FGF14: variants seen among roughly 807,000 people sequenced by gnomAD.
FGF14 encodes the protein fibroblast growth factor 14.
FGF14 carries 5 observed loss-of-function variants against 25.5 expected under a neutral mutation model. The ratio of observed to expected loss-of-function variants is 0.20; its 90% CI spans 0.10 to 0.41. FGF14 has a LOEUF of 0.41. FGF14 is among the 10% of genes least tolerant of loss of function. The pLI is 1.00. For synonymous variants in FGF14, 138 were observed against 118.3 expected (o/e 1.17, Z -1.08); for missense variants, 222 against 320.1 (o/e 0.69, Z 2.34).
In FGF14 at chr13:101,722,692, A is replaced by C; in HGVS notation, c.*139T>G. ...AGGTTGAGATTTATCCACTTGCAAC[A>C]GAGAAGTTCGGAGACAGCAAAGAAT... On this transcript the variant is annotated 3_prime_UTR_variant, in exon 5 of 5. Transcript: ENST00000376143. 3 of 1,181,272 alleles carry C rather than the reference A, an allele frequency of 2.5e-6. No homozygotes were observed. Among genetic ancestry groups the C allele is most frequent in the Non-Finnish European group, 3.7e-6 (3 of 817,158 alleles). 73.2% of individuals were successfully genotyped at this position (1,181,272 alleles called of 1,614,324 possible).
At chr13:102,134,259 G>GT (rs780835358) in intron 1 of FGF14, among the ~76,000 whole-genome samples, 1 of 152,098 alleles carries the variant, frequency 6.6e-6, no homozygotes, top group East Asian at 1.9e-4. Flanking sequence ...TTTCAGTCCC[G>GT]TCTTTCATGG....
At chr13:102,206,004 A>AGG (rs2049897921) in intron 1 of FGF14, among the ~76,000 whole-genome samples, 1 of 33,184 alleles carries the variant, frequency 3.0e-5, no homozygotes, top group African/African-American at 4.2e-4. Flanking sequence ...AAAAAAAAAA[A>AGG]AAAAAAAAAA....
intron 1 of FGF14, among the ~76,000 whole-genome samples, chr13:102,099,801 G>T (rs1173414943): frequency 6.6e-6 from 1 of 151,888 alleles, no homozygotes; most frequent in African/African-American, 2.4e-5. Flanking sequence ...TTATTTGTCA[G>T]TAATATTAAT....
At chr13:101,858,368 A>G (rs953459392) in intron 3 of FGF14, among the ~76,000 whole-genome samples, 1 of 152,062 alleles carries the variant, frequency 6.6e-6, no homozygotes. Flanking sequence ...ATAGCTATTA[A>G]TTGTTGTTTC....
intron 1 of FGF14, among the ~76,000 whole-genome samples, chr13:102,020,375 C>T (rs1293312226): frequency 6.6e-6 from 1 of 152,006 alleles, no homozygotes; most frequent in East Asian, 1.9e-4. Context: ...ATGGTGAAAC[C>T]CTGTCTCTAC....
intron 1 of FGF14, among the ~76,000 whole-genome samples, chr13:102,209,056 G>A (rs1330184169): frequency 6.6e-6 from 1 of 152,212 alleles, no homozygotes; most frequent in African/African-American, 2.4e-5. Context: ...GCTATGAGAG[G>A]TACTCCCAAG....
intron 3 of FGF14, among the ~76,000 whole-genome samples, chr13:101,784,052 C>G (rs2039670638): frequency 6.6e-6 from 1 of 152,134 alleles, no homozygotes; most frequent in Non-Finnish European, 1.5e-5. Flanking sequence ...GTCTGTGTGT[C>G]TGTTTTTGTA....
chr13:102,022,288 C>T (rs1017800835), intron 1 of FGF14, among the ~76,000 whole-genome samples: 1 of 152,044 alleles, frequency 6.6e-6, no homozygotes, highest in Non-Finnish European at 1.5e-5. Context: ...TGCCAGAACT[C>T]ATCTCTTTAA....
chr13:101,933,307 A>C (rs1236980660), intron 1 of FGF14, among the ~76,000 whole-genome samples: 1 of 152,182 alleles, frequency 6.6e-6, no homozygotes, highest in Non-Finnish European at 1.5e-5. Flanking sequence ...GGGAGGTTAG[A>C]GGTTCTTCCA....
intron 1 of FGF14, among the ~76,000 whole-genome samples, chr13:102,195,097 A>G (rs746033717): frequency 9.9e-5 from 15 of 152,224 alleles, no homozygotes; most frequent in African/African-American, 2.4e-4. Context: ...AATCTACTCT[A>G]TAAGAAATGC....
intron 1 of FGF14, among the ~76,000 whole-genome samples, chr13:102,136,609 T>C (rs571767283): frequency 2.7e-5 from 4 of 146,046 alleles, no homozygotes; most frequent in African/African-American, 5.1e-5. Flanking sequence ...AGGATCAACA[T>C]AGGCAGCAAG....
intron 1 of FGF14, among the ~76,000 whole-genome samples, chr13:102,336,978 T>A (rs984915742): frequency 7.9e-5 from 12 of 152,184 alleles, no homozygotes; most frequent in African/African-American, 2.9e-4. Flanking sequence ...ACCTAGTCAC[T>A]CAAAAGCCTT....
intron 1 of FGF14, among the ~76,000 whole-genome samples, chr13:102,050,869 G>A (rs900124639): frequency 2.6e-5 from 4 of 152,174 alleles, no homozygotes; most frequent in African/African-American, 9.7e-5. Flanking sequence ...AAGAAGAAAG[G>A]TGGACCTATC....
chr13:102,305,320 A>C (rs2055314656), intron 1 of FGF14, among the ~76,000 whole-genome samples: 1 of 152,150 alleles, frequency 6.6e-6, no homozygotes, highest in Non-Finnish European at 1.5e-5. Context: ...CAATGACTTT[A>C]AACTTTAAAC....
chr13:102,084,388 G>C, intron 1 of FGF14, among the ~76,000 whole-genome samples: 1 of 152,114 alleles, frequency 6.6e-6, no homozygotes. Flanking sequence ...GTAAATATTT[G>C]TTCAAAGAAA....
At chr13:101,987,005 A>G (rs1414521375) in intron 1 of FGF14, among the ~76,000 whole-genome samples, 1 of 151,836 alleles carries the variant, frequency 6.6e-6, no homozygotes, top group Non-Finnish European at 1.5e-5. Context: ...TCTTCATAAT[A>G]TAACTTAATT....
At chr13:102,330,899 T>G (rs2056615169) in intron 1 of FGF14, among the ~76,000 whole-genome samples, 3 of 152,242 alleles carry the variant, frequency 2.0e-5, no homozygotes, top group Non-Finnish European at 4.4e-5. Flanking sequence ...CTGCAATTTT[T>G]CTGGCATCTA....
chr13:102,374,646 A>ATT (rs2057986559), intron 1 of FGF14, among the ~76,000 whole-genome samples: 1 of 1,164 alleles, frequency 8.6e-4, no homozygotes, highest in African/African-American at 3.5e-3. Flanking sequence ...TACATATTTT[A>ATT]TATATATATA....
chr13:102,307,980 T>C (rs552275923), intron 1 of FGF14, among the ~76,000 whole-genome samples: 7 of 152,246 alleles, frequency 4.6e-5, no homozygotes, highest in African/African-American at 1.4e-4. Flanking sequence ...ACTTTCAAGG[T>C]GTCTCACAAT....
Sources: gnomAD v4.1 joint callset for allele counts (sites outside exome capture counted in the v4.1 genomes callset) on GRCh38, gnomAD v4.1.1 for gene constraint, MANE v1.5 for transcripts, NCBI Gene and HGNC (gene_info 2026-07-23, HGNC 2026-07-21) for gene names.